The following MECR variants were observed in gnomAD, a reference collection of about 807,000 sequenced individuals.
MECR encodes enoyl-[acyl-carrier-protein] reductase, mitochondrial.
MECR carries 37 observed loss-of-function variants against 49.1 expected under a neutral mutation model. The ratio of observed to expected loss-of-function variants is 0.75; its 90% confidence interval spans 0.58 to 0.99. MECR has a LOEUF of 0.99. MECR is among the 50% of genes least tolerant of loss of function. The pLI is 0.00. For missense variants in MECR, 470 were observed against 479.6 expected (o/e 0.98, Z 0.19); for synonymous variants, 198 against 191.1 (o/e 1.04, Z -0.30).
intron 1 of MECR, chr1:29,224,082 C>G (rs1351267563): frequency 1.3e-5 from 2 of 152,194 alleles, no homozygotes; most frequent in African/African-American, 4.8e-5. Context: ...AAGAAACCTT[C>G]TCAATCCCCT....
chr1:29,222,940 T>C (rs1300970491), intron 1 of MECR, among the ~76,000 whole-genome samples: 1 of 152,206 alleles, frequency 6.6e-6, no homozygotes, highest in Non-Finnish European at 1.5e-5. Context: ...AAGGATACCA[T>C]TCTGCTGAGA....
intron 5 of MECR, 131 bp downstream of exon 5, chr1:29,203,000 C>A (rs928284771): frequency 1.5e-6 from 1 of 657,792 alleles, no homozygotes; most frequent in Non-Finnish European, 2.6e-6. Flanking sequence ...CAGCCGCCAA[C>A]TGTTAGCGAT....
At chr1:29,179,087 C>T in the MECR span, among the ~76,000 whole-genome samples, 1 of 152,180 alleles carries the variant, frequency 6.6e-6, no homozygotes, top group Non-Finnish European at 1.5e-5. Flanking sequence ...AAGGCTCTTT[C>T]CTCTTATCGC....
Position 29,193,915 on chromosome 1 carries a change from T to A in MECR, c.*107A>T, listed in dbSNP as rs1574220372. The A allele has an allele frequency of 3.7e-6, 5 of 1,344,892 alleles. No individual in the cohort carries two copies. The highest frequency in any genetic ancestry group is 4.1e-6 in the Non-Finnish European group (4 of 973,958). The allele number at this position is 1,344,892 out of a possible 1,614,324, so 83.3% of individuals were successfully genotyped here. A position where few individuals can be genotyped will look rare whatever the true frequency, so the allele number is the denominator to read the frequency against. The stretch of plus-strand genomic sequence containing the variant: ...CCATCCTCCTAATAGGAAGAGGCAG[T>A]GAGGAGAACAGTAGTCTGGGGAAGG... On this transcript the variant is annotated 3_prime_UTR_variant, in exon 10 of 10. Transcript: ENST00000263702.
intron 3 of MECR, among the ~76,000 whole-genome samples, chr1:29,209,283 C>CTATTTT (rs1677369599): frequency 1.3e-5 from 2 of 152,158 alleles, no homozygotes; most frequent in South Asian, 4.1e-4. Context: ...TTAAAAAGTG[C>CTATTTT]TATTTGCAAC....
chr1:29,216,529 A>G, intron 2 of MECR, 59 bp downstream of exon 2: 1 of 1,526,058 alleles, frequency 6.6e-7, no homozygotes. Context: ...GAGGAATGAA[A>G]ATGAGGTGGC....
In MECR at chr1:29,201,423, C is replaced by T. The variant is rs372981667; in HGVS notation, c.756+520G>A. Reference sequence around the variant, plus strand: ...CTGGAAGGTTAAGAGGCTTTGAGTTCGGAGAGACTGAGGCCAGCTCTGACT... The same window carrying T: ...CTGGAAGGTTAAGAGGCTTTGAGTTTGGAGAGACTGAGGCCAGCTCTGACT... On this transcript the variant is annotated intron_variant, in intron 6 of 9. Coordinates refer to ENST00000263702, the MANE Select transcript of MECR (RefSeq NM_016011.5). This position sits in a 1 kb window ranked among gnomAD's most constrained non-coding sequence, Gnocchi z 4.3. 245 of 531,854 alleles carry T rather than the reference C, an allele frequency of 4.6e-4. No individual in the cohort carries two copies. The highest frequency in any genetic ancestry group is 6.5e-4 in the Non-Finnish European group (169 of 259,370). 32.9% of individuals were successfully genotyped at this position (531,854 alleles called of 1,614,324 possible).
the MECR span, chr1:29,172,278 T>C: frequency 6.6e-6 from 1 of 152,184 alleles, no homozygotes; most frequent in African/African-American, 2.4e-5. Flanking sequence ...TTTCACTTGG[T>C]AAATTAGCAT....
intron 1 of MECR, chr1:29,223,646 A>C (rs929309284): frequency 2.6e-5 from 4 of 152,274 alleles, no homozygotes; most frequent in African/African-American, 9.6e-5. Context: ...GGTGAATGTA[A>C]CTGACCCTCC....
chr1:29,176,229 G>C, the MECR span, among the ~76,000 whole-genome samples: 1 of 152,136 alleles, frequency 6.6e-6, no homozygotes, highest in Admixed American at 6.6e-5. Flanking sequence ...TCCAGCCTGG[G>C]CGACAGAGCA....
At chr1:29,213,287 G>A (rs1184064540) in intron 3 of MECR, among the ~76,000 whole-genome samples, 1 of 152,260 alleles carries the variant, frequency 6.6e-6, no homozygotes, top group Non-Finnish European at 1.5e-5. Context: ...CTCTCAATTT[G>A]CTCAAATGGC....
chr1:29,209,893 T>C (rs1361940301), intron 3 of MECR, among the ~76,000 whole-genome samples: 1 of 152,138 alleles, frequency 6.6e-6, no homozygotes, highest in African/African-American at 2.4e-5. Context: ...GTCCTGGTCC[T>C]ATGTGGGTCA....
chr1:29,229,891 T>C (rs1683019581), intron 1 of MECR, among the ~76,000 whole-genome samples: 2 of 152,230 alleles, frequency 1.3e-5, no homozygotes, highest in Non-Finnish European at 2.9e-5. Context: ...CATACTATTT[T>C]TATCAACCAC....
downstream of MECR, among the ~76,000 whole-genome samples, chr1:29,192,101 AC>A (rs1673154886): frequency 6.6e-6 from 1 of 152,038 alleles, no homozygotes; most frequent in Non-Finnish European, 1.5e-5. Context: ...AAAAAAAAAA[AC>A]AAACATTCCG....
At chr1:29,181,845 A>G in the MECR span, 1 of 1,079,806 alleles carries the variant, frequency 9.3e-7, no homozygotes, top group Non-Finnish European at 1.2e-6. Context: ...CGGCGGCGGC[A>G]ACGGGCGGGC....
intron 3 of MECR, among the ~76,000 whole-genome samples, chr1:29,212,736 G>C (rs908511876): frequency 1.3e-5 from 2 of 152,048 alleles, no homozygotes; most frequent in Admixed American, 6.5e-5. Context: ...ACCATTCTCT[G>C]CATTGCACAA....
intron 9 of MECR, 95 bp downstream of exon 9, chr1:29,195,846 T>A: frequency 7.9e-7 from 1 of 1,268,404 alleles, no homozygotes; most frequent in South Asian, 1.2e-5. Flanking sequence ...GGGGACCCAA[T>A]CACCCCTCCA....
chr1:29,191,000 TA>T (rs1042950406), downstream of MECR, among the ~76,000 whole-genome samples: 2 of 152,112 alleles, frequency 1.3e-5, no homozygotes, highest in African/African-American at 4.8e-5. Flanking sequence ...CTAACATAAA[TA>T]CCCTGTCTCT....
chr1:29,181,534 C>G, the MECR span: 1 of 948,410 alleles, frequency 1.1e-6, no homozygotes, highest in Non-Finnish European at 1.5e-6. Flanking sequence ...GGAGCCTGGC[C>G]AGGCCGGTAG....
Sources: gnomAD v4.1 joint callset for allele counts (sites outside exome capture counted in the v4.1 genomes callset) on GRCh38, gnomAD v4.1.1 for gene constraint, Gnocchi (gnomAD v3.1) non-coding constraint, MANE v1.5 for transcripts, NCBI Gene and HGNC (gene_info 2026-07-23, HGNC 2026-07-21) for gene names.